The following STAG3 variants were observed in gnomAD, a reference collection of about 807,000 sequenced individuals.
The protein encoded by STAG3 is STAG3 cohesin complex component.
Under a neutral mutation model 160.7 loss-of-function variants are expected in STAG3, and 101 were observed. The observed-to-expected ratio is 0.63, with a 90% CI of 0.54 to 0.74. STAG3 has a LOEUF of 0.74. Ranked by LOEUF, STAG3 falls within the 30% of genes least tolerant of loss-of-function variation. The pLI is 0.00. For missense variants in STAG3, 1,188 were observed against 1,517.4 expected, an observed-to-expected ratio of 0.78 and a Z score of 3.61; for synonymous variants, 519 against 585.0, an observed-to-expected ratio of 0.89 and a Z score of 1.63.
In STAG3 at chr7:100,186,289, A is replaced by G. The variant is rs763796626; in HGVS notation, c.426A>G (p.Gly142=). 12 of 1,613,884 alleles carry G rather than the reference A, an allele frequency of 7.4e-6. No homozygotes were observed. Among genetic ancestry groups the G allele is most frequent in the Non-Finnish European group, 4.2e-6 (5 of 1,179,872 alleles). The change falls in exon 5 of 34, where the codon GGA becomes GGG. Residue 142 remains glycine, a synonymous_variant. Transcript: ENST00000615138. ...TTAACTTTTTCATCCAATCTTGCGG[A>G]TGTAAAGGTGAGGAAACTGCTCCCC... ...ELVNFFIQSC[G]CKGIVTPEMF...
At chr7:100,217,883 CAG>C (rs1158346763), downstream of STAG3, among the ~76,000 whole-genome samples, 1 of 151,682 alleles carries the variant, frequency 6.6e-6, no homozygotes, top group Non-Finnish European at 1.5e-5. Flanking sequence ...GAAAGTGAAA[CAG>C]GAGGGTGACT....
chr7:100,213,253 C>T (rs1802429217), intron 32 of STAG3: 1 of 990,022 alleles, frequency 1.0e-6, no homozygotes, highest in Non-Finnish European at 1.2e-6. Context: ...CAAACAGCAT[C>T]ACACTGGGGG....
intron 31 of STAG3, 91 bp from the exon 32 acceptor site, chr7:100,211,704 C>A: frequency 6.9e-7 from 1 of 1,459,508 alleles, no homozygotes; most frequent in Non-Finnish European, 9.5e-7. Context: ...GTACTTACTG[C>A]TCCCCACTTC....
chr7:100,179,480 C>T (rs1056588660), intron 1 of STAG3, among the ~76,000 whole-genome samples: 3 of 152,036 alleles, frequency 2.0e-5, no homozygotes, highest in Admixed American at 6.6e-5. Context: ...CCGCCTCAGC[C>T]GCCTAAAGTT....
At chr7:100,217,260 A>G (rs1326581157), downstream of STAG3, among the ~76,000 whole-genome samples, 1 of 152,156 alleles carries the variant, frequency 6.6e-6, no homozygotes, top group Non-Finnish European at 1.5e-5. Flanking sequence ...TCAGCTGTGA[A>G]GGGTTCATGC....
In STAG3 at chr7:100,204,678, C is replaced by T; in HGVS notation, c.2854C>T (p.Pro952Ser). The change falls in exon 27 of 34, where the codon CCT becomes TCT. Residue 952 changes from proline to serine, a missense_variant. Physicochemically the swap from Pro to Ser is moderately conservative, Grantham distance 74 (BLOSUM62 -1). Coordinates refer to ENST00000615138, the MANE Select transcript of STAG3 (RefSeq NM_001282717.2). Reference protein sequence around the residue: ...EHGPQGLNELPAFIEMRDLAR... With the variant: ...EHGPQGLNELSAFIEMRDLAR... ...TGGGCCCCAGGGCCTGAATGAGCTT[C>T]CTGCCTTCATCGAGATGAGGGACCT... 1 of 1,614,168 alleles carries T rather than the reference C, an allele frequency of 6.2e-7. No homozygotes were observed. The highest frequency in any genetic ancestry group is 8.5e-7 in the Non-Finnish European group (1 of 1,180,034).
chr7:100,199,448 C>T, intron 15 of STAG3, 81 bp downstream of exon 15: 1 of 1,547,772 alleles, frequency 6.5e-7, no homozygotes, highest in South Asian at 1.1e-5. Context: ...TTCACTTGTA[C>T]AAGGCAGCAA....
intron 29 of STAG3, among the ~76,000 whole-genome samples, chr7:100,210,147 CAGG>C (rs1584777608): frequency 2.0e-5 from 3 of 152,180 alleles, no homozygotes; most frequent in South Asian, 4.1e-4. Flanking sequence ...TCAGGGAGAT[CAGG>C]AGGACACATC....
chr7:100,199,712 C>A (rs1584720207), intron 16 of STAG3, 68 bp downstream of exon 16: 1 of 1,258,344 alleles, frequency 7.9e-7, no homozygotes, highest in Non-Finnish European at 1.1e-6. Context: ...GCATCCTTAT[C>A]CCCCAGGCTG....
At chr7:100,178,315 T>TAAAA (rs1799408033) in intron 1 of STAG3, among the ~76,000 whole-genome samples, 1 of 152,192 alleles carries the variant, frequency 6.6e-6, no homozygotes, top group Non-Finnish European at 1.5e-5. Flanking sequence ...TTCCTCCTTT[T>TAAAA]GCGTTTCCAG....
intron 14 of STAG3, 132 bp from the exon 15 acceptor site, chr7:100,199,128 GAA>G (rs71517105): frequency 1.8e-3 from 1,228 of 689,792 alleles, no homozygotes; most frequent in Non-Finnish European, 1.9e-3. Flanking sequence ...TGTCTCTATC[GAA>G]AAAAAAAAAA....
intron 10 of STAG3, chr7:100,197,506 A>G: frequency 1.4e-6 from 1 of 697,186 alleles, no homozygotes; most frequent in Non-Finnish European, 2.5e-6. Flanking sequence ...ACGGGGAGAG[A>G]GACTTTCCCA....
chr7:100,195,286 A>AC (rs773928254), intron 8 of STAG3, 23 bp from the exon 9 acceptor site: 2 of 1,610,920 alleles, frequency 1.2e-6, no homozygotes, highest in African/African-American at 2.7e-5. Context: ...AGAAAGATTA[A>AC]CCCGTTTCTC....
Position 100,182,210 on chromosome 7 carries a change from C to A in STAG3, c.219+18C>A. ...CAACACCGGTGAGTCAGCCAGTTTT[C>A]TTTTGTTTTTGAATCTTGTGGGGGA... On this transcript the variant is annotated intron_variant, in intron 3 of 33. Coordinates refer to ENST00000615138, the MANE Select transcript of STAG3 (RefSeq NM_001282717.2). The A allele has an allele frequency of 6.3e-7, 1 of 1,596,230 alleles. No homozygotes were observed. Among genetic ancestry groups the A allele is most frequent in the East Asian group, 2.2e-5 (1 of 44,678 alleles).
chr7:100,180,932 T>C (rs748174299), intron 2 of STAG3: 324 of 295,802 alleles, frequency 1.1e-3, no homozygotes, highest in Non-Finnish European at 1.6e-3. Context: ...CAGGCTGGAG[T>C]GCAGTGGCGC....
chr7:100,214,809 A>C (rs191846082), downstream of STAG3, among the ~76,000 whole-genome samples: 1 of 152,306 alleles, frequency 6.6e-6, no homozygotes, highest in Non-Finnish European at 1.5e-5. Flanking sequence ...AGTTAAAAGG[A>C]AACTAAGGAG....
At chr7:100,206,267 C>T (rs1401882445) in intron 29 of STAG3, among the ~76,000 whole-genome samples, 1 of 152,148 alleles carries the variant, frequency 6.6e-6, no homozygotes, top group Non-Finnish European at 1.5e-5. Context: ...CTGCCTGCCT[C>T]AGCCTCCCAA....
chr7:100,191,974 G>A (rs924635823), intron 8 of STAG3, among the ~76,000 whole-genome samples: 11 of 152,130 alleles, frequency 7.2e-5, no homozygotes, highest in African/African-American at 2.4e-4. Flanking sequence ...TCCATTTCAG[G>A]AAACCACTTT....
chr7:100,215,494 TG>T (rs1169280890), downstream of STAG3, among the ~76,000 whole-genome samples: 1 of 152,154 alleles, frequency 6.6e-6, no homozygotes, highest in Non-Finnish European at 1.5e-5. Flanking sequence ...AGAATAGTTC[TG>T]GGGAAAGGAG....
Sources: gnomAD v4.1 joint callset for allele counts (sites outside exome capture counted in the v4.1 genomes callset) on GRCh38, gnomAD v4.1.1 for gene constraint, MANE v1.5 for transcripts, NCBI Gene and HGNC (gene_info 2026-07-23, HGNC 2026-07-21) for gene names.